CNTN1: variants seen among roughly 807,000 people sequenced by gnomAD.
CNTN1 encodes the protein contactin 1, also known as contactin-1.
In CNTN1, 38 loss-of-function variants were observed where a neutral mutation model predicts 126.4. The ratio of observed to expected loss-of-function variants is 0.30; its 90% CI spans 0.23 to 0.39. CNTN1 has a LOEUF of 0.39. Ranked by LOEUF, CNTN1 falls within the 10% of genes least tolerant of loss-of-function variation. The pLI is 1.00. For missense variants in CNTN1, 1,009 were observed against 1,248.4 expected (o/e 0.81, Z 2.89); for synonymous variants, 413 against 422.6 (o/e 0.98, Z 0.28).
At chr12:40,705,390 T>C (rs1488078631) in intron 1 of CNTN1, among the ~76,000 whole-genome samples, 2 of 152,216 alleles carry the variant, frequency 1.3e-5, no homozygotes, top group East Asian at 3.8e-4. Context: ...ACTTTACTTA[T>C]CATAAACTTC....
intron 17 of CNTN1, among the ~76,000 whole-genome samples, chr12:41,004,115 G>C (rs941457565): frequency 9.2e-5 from 14 of 152,164 alleles, no homozygotes; most frequent in African/African-American, 2.9e-4. Context: ...TGCATTAGCT[G>C]TGTCCCAGAG....
At chr12:40,885,733 A>G (rs1944007495) in intron 1 of CNTN1, among the ~76,000 whole-genome samples, 1 of 152,038 alleles carries the variant, frequency 6.6e-6, no homozygotes, top group African/African-American at 2.4e-5. Context: ...TCTCTAATAA[A>G]TTTGAGACTT....
intron 15 of CNTN1, chr12:40,978,681 G>T (rs914948143): frequency 6.6e-6 from 1 of 152,064 alleles, no homozygotes; most frequent in Non-Finnish European, 1.5e-5. Context: ...TGCATATAAT[G>T]TCTCAACAAA....
chr12:41,063,274 A>G (rs1949977790), intron 23 of CNTN1, among the ~76,000 whole-genome samples: 1 of 152,342 alleles, frequency 6.6e-6, no homozygotes, highest in Non-Finnish European at 1.5e-5. Context: ...AAAGCTGAGA[A>G]AGGCAAATTA....
Position 40,957,274 on chromosome 12 carries a change from G to T in CNTN1, c.1684-1840G>T, listed in dbSNP as rs565944906. On this transcript the variant is annotated intron_variant, in intron 14 of 23. Transcript: ENST00000551295. ...AATTATTTATTTCCAAGAGAAAGAA[G>T]AGAAAAGAAGAGAGAAGTAAGAGAT... Among the ~76,000 whole-genome samples, 24 of 152,012 alleles carry T rather than the reference G, an allele frequency of 1.6e-4. 1 individual carries two copies. The South Asian group carries it at 4.8e-3, about 30-fold the overall frequency.
Position 40,742,483 on chromosome 12 carries a change from G to T in CNTN1, c.-77+49891G>T, listed in dbSNP as rs896488022. 5.6e-4 allele frequency: 85 copies of T among 151,648 alleles called. 1 individual carries two copies. The highest frequency in any genetic ancestry group is 2.0e-3 in the African/African-American group (82 of 41,310). 9.4% of individuals were successfully genotyped at this position (151,648 alleles called of 1,614,324 possible). On this transcript the variant is annotated intron_variant, in intron 1 of 23. Coordinates refer to ENST00000551295, the MANE Select transcript of CNTN1 (RefSeq NM_001843.4). ...TGACATTTTCAAGTGAGTAAAGTTTGTCTTTGCTGCTTTTCAACTCTTTCA... is the reference window on the plus strand; with the variant it reads ...TGACATTTTCAAGTGAGTAAAGTTTTTCTTTGCTGCTTTTCAACTCTTTCA...
intron 4 of CNTN1, among the ~76,000 whole-genome samples, chr12:40,921,592 T>A (rs1392763558): frequency 6.6e-6 from 1 of 152,218 alleles, no homozygotes; most frequent in East Asian, 1.9e-4. Flanking sequence ...GAATTGTTCC[T>A]CTTTTTCACT....
chr12:40,799,239 ATTAAT>A (rs1940556432), intron 1 of CNTN1, among the ~76,000 whole-genome samples: 1 of 151,128 alleles, frequency 6.6e-6, no homozygotes, highest in Non-Finnish European at 1.5e-5. Context: ...AGTTTGTTTA[ATTAAT>A]TGATATTTTT....
chr12:40,854,513 T>A (rs1443797226), intron 1 of CNTN1, among the ~76,000 whole-genome samples: 1 of 152,100 alleles, frequency 6.6e-6, no homozygotes, highest in Non-Finnish European at 1.5e-5. Context: ...CAAGACTCTG[T>A]GTCTCTAAAC....
At chr12:40,922,969 T>TAAAA (rs35911311) in intron 5 of CNTN1, among the ~76,000 whole-genome samples, 1,907 of 101,466 alleles carry the variant, frequency 0.019, 92 homozygotes, top group Admixed American at 0.087. Flanking sequence ...GACTCTGCCT[T>TAAAA]AAAAAAAAAA....
At chr12:40,853,581 C>G (rs1056752971) in intron 1 of CNTN1, among the ~76,000 whole-genome samples, 6 of 151,908 alleles carry the variant, frequency 3.9e-5, no homozygotes, top group African/African-American at 1.5e-4. Flanking sequence ...TATTCAACAC[C>G]CACTATCTGT....
chr12:40,717,780 T>G (rs1037221368), intron 1 of CNTN1, among the ~76,000 whole-genome samples: 1 of 152,198 alleles, frequency 6.6e-6, no homozygotes, highest in Non-Finnish European at 1.5e-5. Context: ...ATGGGACACC[T>G]GGTGGATTAC....
chr12:40,930,286 A>G (rs985526380), intron 7 of CNTN1, among the ~76,000 whole-genome samples: 1 of 151,996 alleles, frequency 6.6e-6, no homozygotes, highest in Non-Finnish European at 1.5e-5. Context: ...TGTATTGGTT[A>G]CAGTGGAAAT....
chr12:40,741,705 GAGA>G (rs1937950616), intron 1 of CNTN1, among the ~76,000 whole-genome samples: 1 of 152,008 alleles, frequency 6.6e-6, no homozygotes, highest in Admixed American at 6.6e-5. Context: ...CCAAATCTCA[GAGA>G]AGTAGACATT....
chr12:40,989,151 C>T (rs1948039853), intron 16 of CNTN1, among the ~76,000 whole-genome samples: 1 of 152,098 alleles, frequency 6.6e-6, no homozygotes, highest in Admixed American at 6.6e-5. Flanking sequence ...AGGGAGCAGG[C>T]CTCTGCTCCC....
At chr12:40,819,058 T>C (rs988424871) in intron 1 of CNTN1, among the ~76,000 whole-genome samples, 2 of 152,156 alleles carry the variant, frequency 1.3e-5, no homozygotes, top group African/African-American at 4.8e-5. Context: ...TGCCTGCTCC[T>C]TCTTCTGGGA....
At chr12:40,797,434 C>G (rs1940478892) in intron 1 of CNTN1, among the ~76,000 whole-genome samples, 1 of 151,898 alleles carries the variant, frequency 6.6e-6, no homozygotes, top group Non-Finnish European at 1.5e-5. Flanking sequence ...GCAGCTTATG[C>G]AGAGACAGAG....
intron 15 of CNTN1, among the ~76,000 whole-genome samples, chr12:40,960,474 G>A (rs771960511): frequency 3.6e-4 from 55 of 151,994 alleles, no homozygotes; most frequent in Non-Finnish European, 6.3e-4. Context: ...ATCTCATGCA[G>A]CTCCTGCATT....
chr12:40,851,349 A>G (rs981227354), intron 1 of CNTN1, among the ~76,000 whole-genome samples: 1 of 152,212 alleles, frequency 6.6e-6, no homozygotes, highest in South Asian at 2.1e-4. Flanking sequence ...CCTAGTTTAG[A>G]AAAAAGTATA....
Sources: gnomAD v4.1 joint callset for allele counts (sites outside exome capture counted in the v4.1 genomes callset) on GRCh38, gnomAD v4.1.1 for gene constraint, MANE v1.5 for transcripts, NCBI Gene and HGNC (gene_info 2026-07-23, HGNC 2026-07-21) for gene names.